Variants in ETNK1 observed in about 807,000 individuals in gnomAD.
ETNK1 encodes the protein putative protein product of Nbla10396.
A neutral mutation model predicts 45.1 loss-of-function variants in ETNK1; 8 were observed. That is an observed-to-expected ratio of 0.18 (90% CI 0.10 to 0.32). The LOEUF is 0.32. ETNK1 is among the 10% of genes least tolerant of loss of function. The probability of loss-of-function intolerance (pLI) is 1.00; values close to 1 mark genes in which losing one functional copy is unlikely to be tolerated. For missense variants in ETNK1, 302 were observed against 430.6 expected (o/e 0.70, Z 2.64); for synonymous variants, 152 against 151.9 (o/e 1.00, Z -0.01).
At chr12:22,625,927 T>G (rs1312560749) in intron 1 of ETNK1, 3 of 564,328 alleles carry the variant, frequency 5.3e-6, no homozygotes, top group Non-Finnish European at 1.0e-5. Context: ...CCACTCCCCT[T>G]GCACGGGGTC....
intron 6 of ETNK1, among the ~76,000 whole-genome samples, chr12:22,678,314 G>A (rs1954180109): frequency 6.6e-6 from 1 of 152,126 alleles, no homozygotes; most frequent in Non-Finnish European, 1.5e-5. Context: ...AAGAAAATCA[G>A]GTAAGGCTTA....
In ETNK1 at chr12:22,686,851, A is replaced by ATTTTTTTTTTTTTTTTTTTTTT. The variant is rs3983448; in HGVS notation, c.*1904_*1925dup. Reference sequence around the variant, plus strand: ...AGATAAAGAATGTGTAATACTCTTAATTTTTTTTTTTTTTTTTTTTTTTTT... The same window carrying ATTTTTTTTTTTTTTTTTTTTTT: ...AGATAAAGAATGTGTAATACTCTTAATTTTTTTTTTTTTTTTTTTTTTTTTTTTTTTTTTTTTTTTTTTTTTT... On this transcript the variant is annotated 3_prime_UTR_variant, in exon 8 of 8. Coordinates refer to ENST00000266517, the MANE Select transcript of ETNK1 (RefSeq NM_018638.5). 3 of 69,262 alleles carry ATTTTTTTTTTTTTTTTTTTTTT rather than the reference A, an allele frequency of 4.3e-5. 1 individual carries two copies. Among genetic ancestry groups the ATTTTTTTTTTTTTTTTTTTTTT allele is most frequent in the African/African-American group, 1.2e-4 (2 of 17,068 alleles). The allele number at this position is 69,262 out of a possible 1,614,324, so 4.3% of individuals were successfully genotyped here. A position where few individuals can be genotyped will look rare whatever the true frequency, so the allele number is the denominator to read the frequency against.
At position 22,643,825 on chromosome 12, in the gene ETNK1, T is replaced by C. The variant is rs754407615; in HGVS notation, c.219T>C (p.Asp73=). 1.9e-6 allele frequency: 3 copies of C among 1,613,206 alleles called. No homozygotes were observed. Among genetic ancestry groups the C allele is most frequent in the Non-Finnish European group, 2.5e-6 (3 of 1,179,370 alleles). ...GTTACGTGGGAAACACCATGGAGGA[T>C]GTAGTCCTGGTGAGAATTTATGGCA... ...IGCYVGNTME[D]VVLVRIYGNK... is the part of the protein sequence containing the mutation. Residue 73 remains aspartate (D), a synonymous_variant, in exon 2 of 8, where the codon GAT becomes GAC. Transcript: ENST00000266517.
chr12:22,648,837 T>C (rs773657542), intron 2 of ETNK1, among the ~76,000 whole-genome samples: 20 of 152,078 alleles, frequency 1.3e-4, no homozygotes, highest in Non-Finnish European at 2.6e-4. Flanking sequence ...ACATTTCCAC[T>C]AGCAATGAAT....
intron 2 of ETNK1, among the ~76,000 whole-genome samples, chr12:22,658,779 T>G (rs1404354351): frequency 6.6e-6 from 1 of 152,076 alleles, no homozygotes; most frequent in South Asian, 2.1e-4. Flanking sequence ...ATCAGAGTAA[T>G]TAATTTGGGG....
At chr12:22,656,707 G>A (rs1592127584) in intron 2 of ETNK1, 2 of 985,138 alleles carry the variant, frequency 2.0e-6, no homozygotes, top group Non-Finnish European at 2.4e-6. Flanking sequence ...ATTACGTTTT[G>A]TAAGAGACCC....
At chr12:22,662,058 C>A (rs1399435663) in intron 4 of ETNK1, among the ~76,000 whole-genome samples, 52 of 4,592 alleles carry the variant, frequency 0.011, 2 homozygotes, top group African/African-American at 0.013. Flanking sequence ...TTCCCCGCAC[C>A]CCCCCCCCCT....
intron 1 of ETNK1, among the ~76,000 whole-genome samples, chr12:22,631,921 C>A (rs1222743197): frequency 6.6e-6 from 1 of 152,024 alleles, no homozygotes; most frequent in Non-Finnish European, 1.5e-5. Flanking sequence ...TTGTGAAAAA[C>A]AGCAAACATA....
At chr12:22,667,051 G>C (rs980999823) in intron 4 of ETNK1, among the ~76,000 whole-genome samples, 1 of 152,068 alleles carries the variant, frequency 6.6e-6, no homozygotes, top group Non-Finnish European at 1.5e-5. Flanking sequence ...TTTTAACTCT[G>C]TTTTAATTTG....
rs147331011 is a variant in ETNK1 at position 22,663,748 on chromosome 12, A to G, written c.700+2543A>G. 1.2e-4 allele frequency among the ~76,000 whole-genome samples: 19 copies of G among 152,200 alleles called. No homozygotes were observed. In the East Asian group the frequency reaches 3.3e-3, roughly 26 times the overall value. ...AGCTGTACAGATGAACTATTTTGAT[A>G]CATTTTTTAGAATTTGCCTTTTTTA... On this transcript the variant is annotated intron_variant, in intron 4 of 7. Coordinates refer to ENST00000266517, the MANE Select transcript of ETNK1 (RefSeq NM_018638.5).
intron 6 of ETNK1, among the ~76,000 whole-genome samples, chr12:22,677,086 T>C (rs1954170045): frequency 6.6e-6 from 1 of 152,220 alleles, no homozygotes; most frequent in African/African-American, 2.4e-5. Context: ...TCTTTGCCCA[T>C]GCCTGTGTCC....
chr12:22,634,491 T>C (rs1177699960), intron 1 of ETNK1, among the ~76,000 whole-genome samples: 2 of 152,152 alleles, frequency 1.3e-5, no homozygotes, highest in African/African-American at 4.8e-5. Context: ...TAATAATACA[T>C]GTTTAAGGTC....
At chr12:22,658,904 C>T in intron 2 of ETNK1, 110 bp from the exon 3 acceptor site, 1 of 1,130,594 alleles carries the variant, frequency 8.8e-7, no homozygotes, top group South Asian at 1.6e-5. Context: ...ACAGGTAGGT[C>T]TACAAGAAGA....
intron 2 of ETNK1, among the ~76,000 whole-genome samples, chr12:22,655,758 T>C (rs1172073909): frequency 1.3e-5 from 2 of 152,168 alleles, no homozygotes; most frequent in African/African-American, 2.4e-5. Flanking sequence ...TGGGGACATA[T>C]GACATTAGAT....
intron 2 of ETNK1, among the ~76,000 whole-genome samples, chr12:22,653,580 G>T (rs1369728426): frequency 2.6e-5 from 4 of 151,912 alleles, no homozygotes; most frequent in Admixed American, 6.6e-5. Flanking sequence ...CTCAATTACG[G>T]TTATTCCTGA....
In ETNK1 at chr12:22,686,991, G is replaced by T. The variant is rs1954266025; in HGVS notation, c.*2037G>T. On this transcript the variant is annotated 3_prime_UTR_variant, in exon 8 of 8. Coordinates refer to ENST00000266517, the MANE Select transcript of ETNK1 (RefSeq NM_018638.5). The stretch of plus-strand genomic sequence containing the variant: ...TTACTTCAAACTATTTTGAATAGAG[G>T]TTCACTGAGCCATTGCTGATAGACT... The T allele has an allele frequency of 6.7e-6, 1 of 150,282 alleles. No individual in the cohort carries two copies. 9.3% of individuals were successfully genotyped at this position (150,282 alleles called of 1,614,324 possible). A position where few individuals can be genotyped will look rare whatever the true frequency, so the allele number is the denominator to read the frequency against.
At chr12:22,626,776 T>C (rs1375714311) in intron 1 of ETNK1, among the ~76,000 whole-genome samples, 1 of 152,168 alleles carries the variant, frequency 6.6e-6, no homozygotes, top group Non-Finnish European at 1.5e-5. Flanking sequence ...ATTTTGAAAT[T>C]TAAGGGAGTA....
chr12:22,681,217 C>A (rs1434560721), intron 6 of ETNK1, among the ~76,000 whole-genome samples: 1 of 151,940 alleles, frequency 6.6e-6, no homozygotes, highest in Non-Finnish European at 1.5e-5. Context: ...GTTGCCTACA[C>A]AAATGAGATT....
rs1378864043 is a variant in ETNK1, at chr12:22,687,755, G to T, written c.*2801G>T. ...AATGTAAATAAAAATTTGTAAATTA[G>T]TGTGAACTGTATCTTGCATATGAGA... is the stretch of plus-strand genomic sequence containing the variant. On this transcript the variant is annotated 3_prime_UTR_variant, in exon 8 of 8. Coordinates refer to ENST00000266517, the MANE Select transcript of ETNK1 (RefSeq NM_018638.5). The T allele has an allele frequency of 6.6e-6, 1 of 152,272 alleles. No homozygotes were observed. The highest frequency in any genetic ancestry group is 1.5e-5 in the Non-Finnish European group (1 of 67,774). 9.4% of individuals were successfully genotyped at this position (152,272 alleles called of 1,614,324 possible).
Sources: allele counts gnomAD v4.1 joint callset (sites outside exome capture counted in the v4.1 genomes callset), GRCh38; gene constraint gnomAD v4.1.1; transcripts MANE v1.5; gene names NCBI Gene and HGNC (gene_info 2026-07-23, HGNC 2026-07-21).